The following MTMR8 variants were observed in gnomAD, a reference collection of about 807,000 sequenced individuals.
MTMR8 encodes the protein phosphatidylinositol-3,5-bisphosphate 3-phosphatase MTMR8.
MTMR8 carries 65 observed loss-of-function variants against 39.3 expected under a neutral mutation model. The observed-to-expected ratio is 1.65, with a 90% CI of 1.35 to 2.03. The LOEUF is 2.03. MTMR8 is among the 30% of genes most tolerant of loss of function. MTMR8 has a pLI of 0.00. For synonymous variants in MTMR8, 245 were observed against 185.2 expected (o/e 1.32, Z -2.62); for missense variants, 777 against 538.9 (o/e 1.44, Z -4.37).
chrX:64,308,676 A>G (rs1308166617), intron 12 of MTMR8, among the ~76,000 whole-genome samples: 10 of 111,435 alleles, frequency 9.0e-5, no homozygotes, highest in Middle Eastern at 9.2e-3. Flanking sequence ...TACCATTTCT[A>G]TAAATGTCAT....
intron 1 of MTMR8, among the ~76,000 whole-genome samples, chrX:64,376,937 TC>T (rs1924287486): frequency 1.1e-4 from 12 of 111,396 alleles, no homozygotes; most frequent in Admixed American, 4.7e-4. Context: ...CACTGCTGTG[TC>T]CCAGCCACTC....
intron 1 of MTMR8, among the ~76,000 whole-genome samples, chrX:64,365,172 T>C (rs1923911323): frequency 9.0e-6 from 1 of 110,959 alleles, no homozygotes; most frequent in Admixed American, 9.6e-5. Context: ...TGGAACCAAG[T>C]TGGAAAACAC....
chrX:64,302,385 G>T (rs1186370029), intron 12 of MTMR8, among the ~76,000 whole-genome samples: 1 of 112,607 alleles, frequency 8.9e-6, no homozygotes, highest in African/African-American at 3.2e-5. Context: ...CCGACCCCTT[G>T]CGCTTCCCAG....
intron 12 of MTMR8, among the ~76,000 whole-genome samples, chrX:64,310,608 G>A (rs373532759): frequency 2.7e-4 from 30 of 110,973 alleles, no homozygotes; most frequent in Non-Finnish European, 4.7e-4. Context: ...CCATCAACTC[G>A]TCATTTACAT....
intron 12 of MTMR8, among the ~76,000 whole-genome samples, chrX:64,290,495 A>G (rs1385900790): frequency 9.0e-6 from 1 of 110,895 alleles, no homozygotes; most frequent in Non-Finnish European, 1.9e-5. Flanking sequence ...CAGTTTCCCC[A>G]GTGGGTAACT....
At position 64,354,949 on chromosome X, in the gene MTMR8, T is replaced by C. The variant is rs373873078; in HGVS notation, c.311-15A>G. 65 of 1,156,793 alleles carry C rather than the reference T, an allele frequency of 5.6e-5. No individual in the cohort carries two copies. The African/African-American group carries it at 1.1e-3, about 20-fold the overall frequency. Reference sequence around the variant, plus strand: ...TTCAGGTAATGCTGGAGAAGAGAGATAGGCATGGAAAACAAAATGATGAAT... The same window carrying C: ...TTCAGGTAATGCTGGAGAAGAGAGACAGGCATGGAAAACAAAATGATGAAT... On this transcript the variant is annotated splice_polypyrimidine_tract_variant and intron_variant, in intron 3 of 13. Transcript: ENST00000374852.
intron 1 of MTMR8, among the ~76,000 whole-genome samples, chrX:64,375,225 G>A (rs758765376): frequency 9.1e-6 from 1 of 109,523 alleles, no homozygotes; most frequent in Admixed American, 9.8e-5. Context: ...GCTGGTGGGT[G>A]CCTGTAGTCC....
At chrX:64,358,855 A>ACACACACACG (rs1476507824) in intron 2 of MTMR8, among the ~76,000 whole-genome samples, 1 of 108,916 alleles carries the variant, frequency 9.2e-6, no homozygotes, top group African/African-American at 3.4e-5. Flanking sequence ...ACACACACAC[A>ACACACACACG]CACACACACA....
chrX:64,327,269 A>C (rs746234193), intron 12 of MTMR8, among the ~76,000 whole-genome samples: 6 of 112,140 alleles, frequency 5.4e-5, no homozygotes, highest in African/African-American at 1.9e-4. Flanking sequence ...ATGGAAGAAA[A>C]TATTTGCAAA....
chrX:64,336,000 T>A, intron 10 of MTMR8, 79 bp downstream of exon 10: 4 of 706,283 alleles, frequency 5.7e-6, no homozygotes, highest in Non-Finnish European at 8.4e-6. Context: ...TTCCTTTACA[T>A]GTACATACTG....
At chrX:64,302,271 C>A (rs996101877) in intron 12 of MTMR8, among the ~76,000 whole-genome samples, 2 of 112,375 alleles carry the variant, frequency 1.8e-5, no homozygotes, top group Non-Finnish European at 3.8e-5. Flanking sequence ...TCTCATGGTG[C>A]GCCGTTTTTT....
At chrX:64,352,883 A>AATAT (rs199915117) in intron 4 of MTMR8, among the ~76,000 whole-genome samples, 1 of 110,070 alleles carries the variant, frequency 9.1e-6, no homozygotes, top group East Asian at 2.9e-4. Context: ...CTAAAACACA[A>AATAT]ATATATATAT....
chrX:64,367,303 C>CA (rs1426864908), intron 1 of MTMR8, among the ~76,000 whole-genome samples: 2 of 111,461 alleles, frequency 1.8e-5, no homozygotes, highest in East Asian at 5.7e-4. Context: ...AGAGACACAA[C>CA]AAAAAAAGAG....
intron 12 of MTMR8, among the ~76,000 whole-genome samples, chrX:64,284,032 A>C (rs150230550): frequency 2.6e-3 from 293 of 112,087 alleles, no homozygotes; most frequent in Middle Eastern, 9.3e-3. Context: ...CTACCAGCTA[A>C]AGGAGGAAGT....
chrX:64,345,359 T>G (rs1383299821), intron 6 of MTMR8, among the ~76,000 whole-genome samples, 182 bp from the exon 7 acceptor site: 2 of 111,968 alleles, frequency 1.8e-5, no homozygotes, highest in African/African-American at 6.5e-5. Flanking sequence ...GTACTTTTAG[T>G]AACAGACTCA....
chrX:64,281,473 G>T (rs1330930936), intron 12 of MTMR8, among the ~76,000 whole-genome samples: 2 of 111,790 alleles, frequency 1.8e-5, no homozygotes, highest in African/African-American at 6.5e-5. Flanking sequence ...TTTAATAAAA[G>T]GTGCTGGGAA....
At chrX:64,293,296 CTA>C (rs1364073459) in intron 12 of MTMR8, among the ~76,000 whole-genome samples, 1 of 111,372 alleles carries the variant, frequency 9.0e-6, no homozygotes, top group Non-Finnish European at 1.9e-5. Context: ...CCTGTTAATT[CTA>C]TGACTATAAC....
chrX:64,320,832 A>C (rs1414195534), intron 12 of MTMR8, among the ~76,000 whole-genome samples: 1 of 111,689 alleles, frequency 9.0e-6, no homozygotes, highest in East Asian at 2.8e-4. Context: ...CATGGCTAAA[A>C]TATAAGTGGC....
chrX:64,382,044 T>C (rs1337019401), intron 1 of MTMR8, among the ~76,000 whole-genome samples: 4 of 111,703 alleles, frequency 3.6e-5, no homozygotes, highest in Non-Finnish European at 7.5e-5. Context: ...GTGTGATGCC[T>C]CCAGCTTTGT....
Sources: gnomAD v4.1 joint callset for allele counts (sites outside exome capture counted in the v4.1 genomes callset) on GRCh38, gnomAD v4.1.1 for gene constraint, MANE v1.5 for transcripts, NCBI Gene and HGNC (gene_info 2026-07-23, HGNC 2026-07-21) for gene names.